Variants in RASSF2 observed in about 807,000 individuals in gnomAD.
RASSF2 encodes the protein Ras association domain family member 2.
In RASSF2, 34 loss-of-function variants were observed where a neutral mutation model predicts 46.3. That is an observed-to-expected ratio of 0.73 (90% confidence interval 0.56 to 0.98). The LOEUF is 0.98. Among genes scored for constraint, RASSF2 ranks in the 50% least tolerant of loss-of-function variants. The probability of loss-of-function intolerance (pLI) is 0.00; values close to 1 mark genes in which losing one functional copy is unlikely to be tolerated. For missense variants in RASSF2, 364 were observed against 431.2 expected, an observed-to-expected ratio of 0.84 and a Z score of 1.38; for synonymous variants, 158 against 162.5, an observed-to-expected ratio of 0.97 and a Z score of 0.21.
Position 4,804,216 on chromosome 20 carries a change from T to C in RASSF2, c.-32-3154A>G, listed in dbSNP as rs117551807. Among the ~76,000 whole-genome samples, 1,091 of 152,034 alleles carry C rather than the reference T, an allele frequency of 7.2e-3. 4 individuals carry two copies. Among genetic ancestry groups the C allele is most frequent in the Non-Finnish European group, 0.01 (698 of 67,978 alleles). On this transcript the variant is annotated intron_variant, in intron 2 of 11. Coordinates refer to ENST00000379400, the MANE Select transcript of RASSF2 (RefSeq NM_014737.3). ...CAAAAGTGGGACCCTGAGAACACAATTGGTCTCTCTAAATTTTAAATTTTA... is the reference window on the plus strand; with the variant it reads ...CAAAAGTGGGACCCTGAGAACACAACTGGTCTCTCTAAATTTTAAATTTTA...
chr20:4,784,416 G>T, intron 11 of RASSF2, 74 bp from the exon 12 acceptor site: 4 of 1,411,504 alleles, frequency 2.8e-6, no homozygotes, highest in Non-Finnish European at 4.0e-6. Context: ...CCGGCCACCT[G>T]GGTAACACCA....
At chr20:4,806,986 A>G (rs1439210868) in intron 2 of RASSF2, among the ~76,000 whole-genome samples, 2 of 152,162 alleles carry the variant, frequency 1.3e-5, no homozygotes, top group South Asian at 2.1e-4. Flanking sequence ...TGTCTTCTTA[A>G]ATCTACTGAG....
Position 4,784,350 on chromosome 20 carries a change from C to A in RASSF2, c.912-8G>T. ...AGCCGGAGCACGGTGTACCTGGAGACAAGAAACAGGCTCAGATGGAGAGCA... is the reference window on the plus strand; with the variant it reads ...AGCCGGAGCACGGTGTACCTGGAGAAAAGAAACAGGCTCAGATGGAGAGCA... On this transcript the variant is annotated splice_polypyrimidine_tract_variant and splice_region_variant and intron_variant, in intron 11 of 11. Coordinates refer to ENST00000379400, the MANE Select transcript of RASSF2 (RefSeq NM_014737.3). The A allele has an allele frequency of 6.2e-7, 1 of 1,613,164 alleles. No homozygotes were observed. Among genetic ancestry groups the A allele is most frequent in the Non-Finnish European group, 8.5e-7 (1 of 1,179,260 alleles).
chr20:4,804,036 C>A (rs925139850), intron 2 of RASSF2, among the ~76,000 whole-genome samples: 1 of 151,818 alleles, frequency 6.6e-6, no homozygotes, highest in Non-Finnish European at 1.5e-5. Context: ...CTAGCCTGGT[C>A]GACAGAGTAA....
At chr20:4,823,068 C>A (rs1414850029) in intron 1 of RASSF2, among the ~76,000 whole-genome samples, 1 of 152,160 alleles carries the variant, frequency 6.6e-6, no homozygotes, top group Non-Finnish European at 1.5e-5. Flanking sequence ...GCTGGGGCTC[C>A]GCGCCTACAC....
rs781158178 is a variant in RASSF2, at chr20:4,787,630, C to T, written c.813+3G>A. 1.2e-6 allele frequency: 2 copies of T among 1,614,156 alleles called. No individual in the cohort carries two copies. Among genetic ancestry groups the T allele is most frequent in the Admixed American group, 3.3e-5 (2 of 60,020 alleles). On this transcript the variant is annotated splice_donor_region_variant and intron_variant, in intron 10 of 11. Coordinates refer to ENST00000379400, the MANE Select transcript of RASSF2 (RefSeq NM_014737.3). ...CAGATCGCCTGACCCAAAGGGAACT[C>T]ACGTCGTAGGTGACTTCCTCCACCT...
rs1925752182 is a variant in RASSF2, at chr20:4,790,228, C to T, written c.537+223G>A. 6.6e-6 allele frequency among the ~76,000 whole-genome samples: 1 copy of T among 152,224 alleles called. No individual in the cohort carries two copies. The highest frequency in any genetic ancestry group is 2.4e-5 in the African/African-American group (1 of 41,458). ...ACAGCCCCACTGAATTCACCCACCACCTTAAGGGGAACCCACAGGGGGACT... is the reference window on the plus strand; with the variant it reads ...ACAGCCCCACTGAATTCACCCACCATCTTAAGGGGAACCCACAGGGGGACT... On this transcript the variant is annotated intron_variant, in intron 7 of 11. Transcript: ENST00000379400. The surrounding 1 kb of genome is among the most constrained non-coding windows in gnomAD (Gnocchi z 4.3).
intron 5 of RASSF2, among the ~76,000 whole-genome samples, chr20:4,793,323 A>G (rs1926064531): frequency 6.6e-6 from 1 of 152,186 alleles, no homozygotes; most frequent in Admixed American, 6.5e-5. Flanking sequence ...AAATCAACAG[A>G]GGATTTGGCT....
rs564965781 is a variant in RASSF2 at position 4,784,224 on chromosome 20, A to C, written c.*49T>G. On this transcript the variant is annotated 3_prime_UTR_variant, in exon 12 of 12. Transcript: ENST00000379400. ...AAGTGCCTAGCTTCCTGGGGGTCTT[A>C]TGGGCAATGGCGGTTCCTGGGGTGC... The C allele has an allele frequency of 6.5e-7, 1 of 1,546,358 alleles. No homozygotes were observed. Among genetic ancestry groups the C allele is most frequent in the Admixed American group, 1.7e-5 (1 of 59,874 alleles).
At chr20:4,820,533 A>T (rs115123641) in intron 2 of RASSF2, among the ~76,000 whole-genome samples, 2,156 of 152,062 alleles carry the variant, frequency 0.014, 56 homozygotes, top group African/African-American at 0.049. Flanking sequence ...AATAATAAAT[A>T]TAAATAAAAA....
chr20:4,782,279 A>C lies in RASSF2; in HGVS notation c.*1994T>G, dbSNP rs1379623062. Reference sequence around the variant, plus strand: ...GGAAATTCTTCTCCCAAGTCCTCCAAGGAGAATTACTGGGGCCAACTAAGG... The same window carrying C: ...GGAAATTCTTCTCCCAAGTCCTCCACGGAGAATTACTGGGGCCAACTAAGG... On this transcript the variant is annotated 3_prime_UTR_variant, in exon 12 of 12. Transcript: ENST00000379400. The C allele has an allele frequency of 6.5e-6, 1 of 152,684 alleles. No homozygotes were observed. Among genetic ancestry groups the C allele is most frequent in the African/African-American group, 2.4e-5 (1 of 41,474 alleles). The allele number at this position is 152,684 out of a possible 1,614,324, so 9.5% of individuals were successfully genotyped here. A position where few individuals can be genotyped will look rare whatever the true frequency, so the allele number is the denominator to read the frequency against.
chr20:4,791,976 C>T (rs916090829), intron 6 of RASSF2, among the ~76,000 whole-genome samples: 4 of 152,050 alleles, frequency 2.6e-5, no homozygotes, highest in South Asian at 2.1e-4. Flanking sequence ...TCCAACCAGG[C>T]GCGGTGGCTC....
intron 4 of RASSF2, among the ~76,000 whole-genome samples, chr20:4,797,697 G>A (rs542149677): frequency 3.3e-5 from 5 of 152,136 alleles, no homozygotes; most frequent in South Asian, 2.1e-4. Context: ...ACGAGAGAAC[G>A]TCTGCTTGGG....
rs555402191 is a variant in RASSF2, at chr20:4,804,504, A to AT, written c.-32-3443dup. Among the ~76,000 whole-genome samples the AT allele has an allele frequency of 7.1e-3, 1,076 of 151,872 alleles. 14 individuals carry two copies. Among genetic ancestry groups the AT allele is most frequent in the African/African-American group, 0.025 (1,038 of 41,422 alleles). On this transcript the variant is annotated intron_variant, in intron 2 of 11. Coordinates refer to ENST00000379400, the MANE Select transcript of RASSF2 (RefSeq NM_014737.3). ...AGGTATGTGCCACCACGCTCAGCTAATTTTTTGTATTTTTAGTGGAGACGG... is the reference window on the plus strand; with the variant it reads ...AGGTATGTGCCACCACGCTCAGCTAATTTTTTTGTATTTTTAGTGGAGACGG...
chr20:4,788,165 C>A, intron 9 of RASSF2, 52 bp downstream of exon 9: 1 of 1,445,558 alleles, frequency 6.9e-7, no homozygotes, highest in Non-Finnish European at 9.7e-7. Flanking sequence ...TTTTAACTTG[C>A]TATTTTGAGT....
rs1291218807 is a variant in RASSF2, at chr20:4,795,135, C to A, written c.287+680G>T. On this transcript the variant is annotated intron_variant, in intron 5 of 11. Transcript: ENST00000379400. This position sits in a 1 kb window ranked among gnomAD's most constrained non-coding sequence, Gnocchi z 4.0. ...AGTCCCAGAAAGACAATAAAGAGGG[C>A]ATGCCTTGCTAGAGGCATTTGGCGG... is the stretch of plus-strand genomic sequence containing the variant. The A allele has an allele frequency of 1.3e-5, 2 of 152,282 alleles. No individual in the cohort carries two copies. The highest frequency in any genetic ancestry group is 2.9e-5 in the Non-Finnish European group (2 of 68,074). The allele number at this position is 152,282 out of a possible 1,614,324, so 9.4% of individuals were successfully genotyped here. A position where few individuals can be genotyped will look rare whatever the true frequency, so the allele number is the denominator to read the frequency against.
intron 4 of RASSF2, among the ~76,000 whole-genome samples, chr20:4,796,532 G>C (rs1926370455): frequency 6.6e-6 from 1 of 152,216 alleles, no homozygotes; most frequent in Non-Finnish European, 1.5e-5. Flanking sequence ...GTGCTAATCA[G>C]ATTTCCAAAC....
rs374534182 is a variant in RASSF2, at chr20:4,792,930, C to A, written c.288-303G>T. The A allele has an allele frequency of 1.2e-5, 5 of 406,888 alleles. No individual in the cohort carries two copies. The East Asian group carries it at 2.6e-4, about 21-fold the overall frequency. The allele number at this position is 406,888 out of a possible 1,614,324, so 25.2% of individuals were successfully genotyped here. ...TTCATCAAGCCCAGGATGGATAATA[C>A]CAAGGAACAAAACCCACGTGTTGCC... On this transcript the variant is annotated intron_variant, in intron 5 of 11. Transcript: ENST00000379400.
intron 2 of RASSF2, among the ~76,000 whole-genome samples, chr20:4,810,803 C>T (rs927394289): frequency 5.3e-5 from 8 of 152,284 alleles, no homozygotes; most frequent in African/African-American, 1.9e-4. Context: ...TCTATAGGCT[C>T]CAGGCAGCCC....
Sources: gnomAD v4.1 joint callset for allele counts (sites outside exome capture counted in the v4.1 genomes callset) on GRCh38, gnomAD v4.1.1 for gene constraint, Gnocchi (gnomAD v3.1) non-coding constraint, MANE v1.5 for transcripts, NCBI Gene and HGNC (gene_info 2026-07-23, HGNC 2026-07-21) for gene names.